Variants in F13A1 observed in about 807,000 individuals in gnomAD.
The protein encoded by F13A1 is coagulation factor XIII A chain, also known as FSF, A subunit.
In F13A1, 47 loss-of-function variants were observed where a neutral mutation model predicts 80.1. That is an observed-to-expected ratio of 0.59 (90% CI 0.46 to 0.75). F13A1 has a LOEUF of 0.75. F13A1 is among the 30% of genes least tolerant of loss of function. F13A1 has a pLI of 0.00. For missense variants in F13A1, 817 were observed against 930.4 expected, an observed-to-expected ratio of 0.88 and a Z score of 1.59; for synonymous variants, 349 against 344.9, an observed-to-expected ratio of 1.01 and a Z score of -0.13.
chr6:6,153,948 A>T (rs923652970), intron 13 of F13A1, among the ~76,000 whole-genome samples: 11 of 152,094 alleles, frequency 7.2e-5, no homozygotes, highest in Admixed American at 2.6e-4. Context: ...TAAAAGAGAA[A>T]ACTGTGGTTC....
chr6:6,289,578 T>A (rs186473000), intron 3 of F13A1, among the ~76,000 whole-genome samples: 3 of 151,824 alleles, frequency 2.0e-5, no homozygotes, highest in African/African-American at 7.3e-5. Flanking sequence ...TTAGTGAGAT[T>A]TTTTTCCCCC....
intron 2 of F13A1, among the ~76,000 whole-genome samples, chr6:6,317,124 G>A (rs1263799769): frequency 6.6e-6 from 1 of 152,200 alleles, no homozygotes; most frequent in Non-Finnish European, 1.5e-5. Flanking sequence ...AATTTTGCTA[G>A]AAGATGGAAT....
chr6:6,170,440 T>G (rs1760752357), intron 12 of F13A1, among the ~76,000 whole-genome samples: 1 of 152,206 alleles, frequency 6.6e-6, no homozygotes, highest in Non-Finnish European at 1.5e-5. Flanking sequence ...AAGTGCTGTG[T>G]TTTGCCACTG....
chr6:6,161,655 T>C (rs1760578802), intron 13 of F13A1, among the ~76,000 whole-genome samples: 1 of 151,796 alleles, frequency 6.6e-6, no homozygotes, highest in African/African-American at 2.4e-5. Flanking sequence ...ATCAAAATAT[T>C]TTGATAGCAT....
intron 5 of F13A1, among the ~76,000 whole-genome samples, chr6:6,248,892 A>C (rs1344110951): frequency 6.6e-6 from 1 of 152,190 alleles, no homozygotes; most frequent in Non-Finnish European, 1.5e-5. Flanking sequence ...CTTAGTTTGC[A>C]CCCAAAATAG....
At chr6:6,190,925 G>A (rs545037926) in intron 10 of F13A1, among the ~76,000 whole-genome samples, 5 of 152,172 alleles carry the variant, frequency 3.3e-5, no homozygotes, top group South Asian at 4.2e-4. Context: ...ATAATCTCGT[G>A]GTGCGCCGTT....
At chr6:6,248,262 A>G (rs780981468) in intron 6 of F13A1, 50 bp downstream of exon 6, 2 of 1,422,678 alleles carry the variant, frequency 1.4e-6, no homozygotes, top group South Asian at 1.2e-5. Context: ...ATATATACTG[A>G]GGCAAATGAC....
At chr6:6,148,793 C>G (rs1307080712) in intron 14 of F13A1, among the ~76,000 whole-genome samples, 1 of 152,102 alleles carries the variant, frequency 6.6e-6, no homozygotes, top group Non-Finnish European at 1.5e-5. Flanking sequence ...TTTTGACTGT[C>G]TCTGAGAAAT....
At chr6:6,303,012 T>C (rs1239817130) in intron 3 of F13A1, among the ~76,000 whole-genome samples, 2 of 152,214 alleles carry the variant, frequency 1.3e-5, no homozygotes, top group Admixed American at 6.5e-5. Context: ...TTTCTTCCAG[T>C]TGGAGAGTCA....
chr6:6,220,712 G>C (rs1211366010), intron 8 of F13A1, among the ~76,000 whole-genome samples: 1 of 152,084 alleles, frequency 6.6e-6, no homozygotes, highest in Non-Finnish European at 1.5e-5. Flanking sequence ...TACATGCAGG[G>C]CTGCTATATT....
rs1191211167 is a variant in F13A1 at position 6,223,745 on chromosome 6, T to C, written c.973+941A>G. Among the ~76,000 whole-genome samples the C allele has an allele frequency of 3.3e-5, 5 of 152,058 alleles. No homozygotes were observed. The East Asian group carries it at 7.7e-4, about 24-fold the overall frequency. On this transcript the variant is annotated intron_variant, in intron 7 of 14. Transcript: ENST00000264870. The stretch of plus-strand genomic sequence containing the variant: ...TGTTGAGACTTTGAGCTAAAACAAA[T>C]AGGTTTTGTAATCATTTTTTTAAAT...
chr6:6,249,646 C>A (rs1454770806), intron 5 of F13A1, among the ~76,000 whole-genome samples: 1 of 152,114 alleles, frequency 6.6e-6, no homozygotes, highest in Non-Finnish European at 1.5e-5. Context: ...GATGACTTTT[C>A]CCCTTGTTAG....
chr6:6,241,600 C>T lies in F13A1; in HGVS notation c.798+6712G>A, dbSNP rs577723401. 1.1e-4 allele frequency among the ~76,000 whole-genome samples: 16 copies of T among 152,266 alleles called. 1 individual carries two copies. The highest frequency in any genetic ancestry group is 3.9e-4 in the African/African-American group (16 of 41,552). ...GCCAAGGACAATGCCCATTGAGCACCTGGGTCCTCAGATGTATCTACGACC... is the reference window on the plus strand; with the variant it reads ...GCCAAGGACAATGCCCATTGAGCACTTGGGTCCTCAGATGTATCTACGACC... On this transcript the variant is annotated intron_variant, in intron 6 of 14. Transcript: ENST00000264870.
At chr6:6,297,290 T>C (rs1758345000) in intron 3 of F13A1, among the ~76,000 whole-genome samples, 1 of 152,096 alleles carries the variant, frequency 6.6e-6, no homozygotes, top group South Asian at 2.1e-4. Context: ...TTCCCTCTTT[T>C]TCTATTGATT....
At chr6:6,156,337 A>G (rs759940949) in intron 13 of F13A1, among the ~76,000 whole-genome samples, 15 of 152,208 alleles carry the variant, frequency 9.9e-5, no homozygotes, top group Non-Finnish European at 1.6e-4. Context: ...AACTTTTTGG[A>G]AAGAAATTAC....
chr6:6,276,002 C>G (rs1197086777), intron 3 of F13A1, among the ~76,000 whole-genome samples: 2 of 152,188 alleles, frequency 1.3e-5, no homozygotes, highest in African/African-American at 4.8e-5. Flanking sequence ...TTCACGTTGC[C>G]CATTCAATTC....
At chr6:6,223,263 G>C (rs1039874623) in intron 7 of F13A1, among the ~76,000 whole-genome samples, 1 of 152,324 alleles carries the variant, frequency 6.6e-6, no homozygotes, top group African/African-American at 2.4e-5. Flanking sequence ...TTCAGGCATA[G>C]ATTGGATAAC....
intron 10 of F13A1, among the ~76,000 whole-genome samples, chr6:6,184,674 A>C (rs746515928): frequency 6.6e-6 from 1 of 152,220 alleles, no homozygotes; most frequent in Non-Finnish European, 1.5e-5. Context: ...TAACTTCTTA[A>C]TAACAATCCT....
At chr6:6,259,197 C>T (rs940467948) in intron 4 of F13A1, among the ~76,000 whole-genome samples, 1 of 152,168 alleles carries the variant, frequency 6.6e-6, no homozygotes, top group African/African-American at 2.4e-5. Context: ...GGATGAATGG[C>T]TCTAGCCTGA....
Sources: allele counts gnomAD v4.1 joint callset (sites outside exome capture counted in the v4.1 genomes callset), GRCh38; gene constraint gnomAD v4.1.1; transcripts MANE v1.5; gene names NCBI Gene and HGNC (gene_info 2026-07-23, HGNC 2026-07-21).